SLC5A10: variants seen among roughly 807,000 people sequenced by gnomAD.
The protein encoded by SLC5A10 is sodium/mannose cotransporter SLC5A10.
Under a neutral mutation model 68.9 loss-of-function variants are expected in SLC5A10, and 55 were observed. The observed-to-expected ratio is 0.80, with a 90% CI of 0.64 to 1.00. The LOEUF is 1.00. SLC5A10 is among the 50% of genes least tolerant of loss of function. SLC5A10 has a pLI of 0.00. For synonymous variants in SLC5A10, 344 were observed against 344.8 expected, an observed-to-expected ratio of 1.00 and a Z score of 0.02; for missense variants, 732 against 819.3, an observed-to-expected ratio of 0.89 and a Z score of 1.30.
rs2043581331 is a variant in SLC5A10, at chr17:18,996,798, C to A, written c.983-16612C>A. On this transcript the variant is annotated intron_variant, in intron 9 of 14. Coordinates refer to ENST00000395645, the MANE Select transcript of SLC5A10 (RefSeq NM_001042450.4). This position sits in a 1 kb window ranked among gnomAD's most constrained non-coding sequence, Gnocchi z 4.4. Reference sequence around the variant, plus strand: ...CTAGGCTTTTCTCCTAATGGGGGACCCTGTGTCCATTCCAACCTCTGAACC... The same window carrying A: ...CTAGGCTTTTCTCCTAATGGGGGACACTGTGTCCATTCCAACCTCTGAACC... Among the ~76,000 whole-genome samples the A allele has an allele frequency of 1.3e-5, 2 of 152,180 alleles. No individual in the cohort carries two copies. Among genetic ancestry groups the A allele is most frequent in the African/African-American group, 4.8e-5 (2 of 41,442 alleles).
chr17:18,990,788 G>C (rs1016154172), intron 9 of SLC5A10, among the ~76,000 whole-genome samples: 2 of 56,340 alleles, frequency 3.5e-5, no homozygotes, highest in South Asian at 8.6e-4. Flanking sequence ...GGATGGGGAG[G>C]GGGAGCCTGG....
At chr17:19,011,890 G>A (rs563711606) in intron 9 of SLC5A10, among the ~76,000 whole-genome samples, 42 of 151,780 alleles carry the variant, frequency 2.8e-4, no homozygotes, top group African/African-American at 9.9e-4. Flanking sequence ...CATGGGCTGG[G>A]CATCTAAGAA....
intron 9 of SLC5A10, among the ~76,000 whole-genome samples, chr17:18,998,911 C>T (rs2043642430): frequency 6.6e-6 from 1 of 152,218 alleles, no homozygotes; most frequent in African/African-American, 2.4e-5. Flanking sequence ...CCACAGAGCT[C>T]ACCCTGTTCT....
intron 13 of SLC5A10, 25 bp downstream of exon 13, chr17:19,019,953 C>G (rs762579039): frequency 6.4e-7 from 1 of 1,572,118 alleles, no homozygotes; most frequent in Non-Finnish European, 8.6e-7. Context: ...ACCCCTGACC[C>G]TGACCCCTAA....
chr17:19,009,689 C>T (rs982343781), intron 9 of SLC5A10, among the ~76,000 whole-genome samples: 14 of 152,136 alleles, frequency 9.2e-5, no homozygotes, highest in African/African-American at 3.1e-4. Context: ...GGGAATCATT[C>T]ACTCAGTCAA....
intron 9 of SLC5A10, among the ~76,000 whole-genome samples, chr17:19,010,453 C>T (rs1276192193): frequency 1.3e-5 from 2 of 152,104 alleles, no homozygotes; most frequent in African/African-American, 2.4e-5. Flanking sequence ...AGCTCTGCCT[C>T]CCCGGGGCTG....
At position 18,971,521 on chromosome 17, in the gene SLC5A10, C is replaced by T. The variant is rs2042852730; in HGVS notation, c.846+303C>T. ...GCTCCTCGGTGGCCCTGCCATCGGTCATGGGGCGGGCATTTTGGGCCAGTC... is the reference window on the plus strand; with the variant it reads ...GCTCCTCGGTGGCCCTGCCATCGGTTATGGGGCGGGCATTTTGGGCCAGTC... On this transcript the variant is annotated intron_variant, in intron 8 of 14. Transcript: ENST00000395645. The surrounding 1 kb of genome is among the most constrained non-coding windows in gnomAD (Gnocchi z 5.5). The T allele has an allele frequency of 6.2e-7, 1 of 1,613,976 alleles. No homozygotes were observed. Among genetic ancestry groups the T allele is most frequent in the Admixed American group, 1.7e-5 (1 of 60,024 alleles).
chr17:19,000,740 T>A lies in SLC5A10; in HGVS notation c.983-12670T>A, dbSNP rs1295630339. On this transcript the variant is annotated intron_variant, in intron 9 of 14. Transcript: ENST00000395645. This position sits in a 1 kb window ranked among gnomAD's most constrained non-coding sequence, Gnocchi z 5.2. ...CATCCTAGGCAGGGGGCAGGCAGAG[T>A]TCTCCCTACACAATACCAGAGTGAG... Among the ~76,000 whole-genome samples, 5 of 151,790 alleles carry A rather than the reference T, an allele frequency of 3.3e-5. No individual in the cohort carries two copies. Among genetic ancestry groups the A allele is most frequent in the Non-Finnish European group, 5.9e-5 (4 of 67,894 alleles).
At chr17:18,950,711 G>C (rs563929355), upstream of SLC5A10, 130 of 982,064 alleles carry the variant, frequency 1.3e-4, no homozygotes, top group African/African-American at 2.1e-3. Context: ...ATTGTTTTTT[G>C]TTGTTGTTGT....
intron 11 of SLC5A10, among the ~76,000 whole-genome samples, chr17:19,015,436 T>G (rs1016793513): frequency 6.6e-6 from 1 of 152,136 alleles, no homozygotes; most frequent in Non-Finnish European, 1.5e-5. Flanking sequence ...GGATTCCTTC[T>G]GCAGGGGCCA....
intron 9 of SLC5A10, chr17:18,977,558 C>T: frequency 6.3e-7 from 1 of 1,596,532 alleles, no homozygotes; most frequent in Non-Finnish European, 8.5e-7. Flanking sequence ...ACTCGTGACC[C>T]CTGGTGTGCA....
chr17:18,988,474 C>G (rs1256237722), intron 9 of SLC5A10: 2 of 1,590,022 alleles, frequency 1.3e-6, no homozygotes, highest in Admixed American at 3.4e-5. Context: ...GACAGGGTGC[C>G]CTGGCAGAGC....
Position 19,021,973 on chromosome 17 carries a change from G to A in SLC5A10, c.*1542G>A. 3 of 1,565,386 alleles carry A rather than the reference G, an allele frequency of 1.9e-6. No individual in the cohort carries two copies. Among genetic ancestry groups the A allele is most frequent in the South Asian group, 1.2e-5 (1 of 84,362 alleles). Reference sequence around the variant, plus strand: ...CGCCGGGCTGCTCACAGGTGCACGGGCTGCACGTAACTCCGTGGGAAGAAG... The same window carrying A: ...CGCCGGGCTGCTCACAGGTGCACGGACTGCACGTAACTCCGTGGGAAGAAG... On this transcript the variant is annotated 3_prime_UTR_variant, in exon 15 of 15. Coordinates refer to ENST00000395645, the MANE Select transcript of SLC5A10 (RefSeq NM_001042450.4). This position sits in a 1 kb window ranked among gnomAD's most constrained non-coding sequence, Gnocchi z 4.1.
At position 19,004,347 on chromosome 17, in the gene SLC5A10, G is replaced by T; in HGVS notation, c.983-9063G>T. On this transcript the variant is annotated intron_variant, in intron 9 of 14. Coordinates refer to ENST00000395645, the MANE Select transcript of SLC5A10 (RefSeq NM_001042450.4). The surrounding 1 kb of genome is among the most constrained non-coding windows in gnomAD (Gnocchi z 5.4). ...GGGAAGAAAGTAAGGGATCGGAACAGCGGTGAGGGAGCGGTGGGCCACGTC... is the reference window on the plus strand; with the variant it reads ...GGGAAGAAAGTAAGGGATCGGAACATCGGTGAGGGAGCGGTGGGCCACGTC... 1 of 315,974 alleles carries T rather than the reference G, an allele frequency of 3.2e-6. No individual in the cohort carries two copies. Among genetic ancestry groups the T allele is most frequent in the Non-Finnish European group, 5.9e-6 (1 of 170,804 alleles). 19.6% of individuals were successfully genotyped at this position (315,974 alleles called of 1,614,324 possible).
intron 9 of SLC5A10, 60 bp downstream of exon 9, chr17:18,977,049 G>A (rs2042998143): frequency 6.3e-7 from 1 of 1,595,822 alleles, no homozygotes; most frequent in Non-Finnish European, 8.5e-7. Context: ...CTGGGACCTT[G>A]TCCTGCAAAC....
chr17:18,989,721 T>A (rs189449790), intron 9 of SLC5A10, among the ~76,000 whole-genome samples: 39 of 152,258 alleles, frequency 2.6e-4, no homozygotes, highest in African/African-American at 9.1e-4. Context: ...ACGTTCCCAT[T>A]TACAGGGGGT....
chr17:18,961,797 C>G (rs1316297855), intron 5 of SLC5A10, among the ~76,000 whole-genome samples: 1 of 152,160 alleles, frequency 6.6e-6, no homozygotes, highest in Admixed American at 6.5e-5. Flanking sequence ...CCTCTCCTCT[C>G]CTGGGGCATC....
At chr17:18,978,565 C>T in intron 9 of SLC5A10, 2 of 1,613,270 alleles carry the variant, frequency 1.2e-6, no homozygotes, top group Non-Finnish European at 1.7e-6. Context: ...TGGCCTCCTG[C>T]TTCTCAGAGG....
chr17:18,993,108 G>A (rs1450370241), intron 9 of SLC5A10, among the ~76,000 whole-genome samples: 1 of 152,148 alleles, frequency 6.6e-6, no homozygotes, highest in African/African-American at 2.4e-5. Flanking sequence ...GGAAACCACG[G>A]GTGCACAGGC....
Sources: gnomAD v4.1 joint callset for allele counts (sites outside exome capture counted in the v4.1 genomes callset) on GRCh38, gnomAD v4.1.1 for gene constraint, Gnocchi (gnomAD v3.1) non-coding constraint, MANE v1.5 for transcripts, NCBI Gene and HGNC (gene_info 2026-07-23, HGNC 2026-07-21) for gene names.